The following ATG9B variants were observed in gnomAD, a reference collection of about 807,000 sequenced individuals.
The protein encoded by ATG9B is autophagy related 9B.
ATG9B carries 92 observed loss-of-function variants against 92.9 expected under a neutral mutation model. The ratio of observed to expected loss-of-function variants is 0.99; its 90% confidence interval spans 0.84 to 1.18. ATG9B has a LOEUF of 1.18. ATG9B is among the 50% of genes most tolerant of loss of function. The probability of loss-of-function intolerance (pLI) is 0.00; values close to 1 mark genes in which losing one functional copy is unlikely to be tolerated. For missense variants in ATG9B, 1,344 were observed against 1,235.0 expected, an observed-to-expected ratio of 1.09 and a Z score of -1.32; for synonymous variants, 599 against 551.4, an observed-to-expected ratio of 1.09 and a Z score of -1.21.
At chr7:151,012,995 G>A, downstream of ATG9B, 1 of 546,388 alleles carries the variant, frequency 1.8e-6, no homozygotes, top group South Asian at 2.5e-5. Context: ...GCGCATTCTA[G>A]CGCAGCTCCA....
rs200749378 is a variant in ATG9B, at chr7:151,023,105, G to A, written c.761C>T (p.Pro254Leu). The A allele has an allele frequency of 2.6e-4, 418 of 1,614,016 alleles. 1 individual carries two copies. Among genetic ancestry groups the A allele is most frequent in the Non-Finnish European group, 3.4e-4 (397 of 1,180,024 alleles). Residue 254 changes from proline to leucine, a missense_variant, in exon 4 of 14, where the codon CCG becomes CTG. Physicochemically the swap from Pro to Leu is moderately conservative, Grantham distance 98 (BLOSUM62 -3). Coordinates refer to ENST00000639579, the MANE Select transcript of ATG9B (RefSeq NM_001317056.2). ...TGACAGGGTCACTTTGCTGTGGAACGGCCCAGGTCTGGTATGGTTACTTGG... is the reference window on the plus strand; with the variant it reads ...TGACAGGGTCACTTTGCTGTGGAACAGCCCAGGTCTGGTATGGTTACTTGG... Reference protein sequence around the residue: ...NQPSNHTRPGPFHSKVTLSDA... With the variant: ...NQPSNHTRPGLFHSKVTLSDA...
chr7:151,016,245 AAGG>A lies in ATG9B; in HGVS notation c.2521-13_2521-11del, dbSNP rs767186137. ...GCTGCTGCTGGTGAAGCTGCATGGA[AAGG>A]AGGAGGAATGAGGGCTGCACCCCAA... is the stretch of plus-strand genomic sequence containing the variant. On this transcript the variant is annotated splice_polypyrimidine_tract_variant and intron_variant, in intron 11 of 13. Coordinates refer to ENST00000639579, the MANE Select transcript of ATG9B (RefSeq NM_001317056.2). 3.4e-5 allele frequency: 51 copies of A among 1,487,006 alleles called. No homozygotes were observed. The highest frequency in any genetic ancestry group is 1.8e-5 in the Non-Finnish European group (20 of 1,115,536). 92.1% of individuals were successfully genotyped at this position (1,487,006 alleles called of 1,614,324 possible). A position where few individuals can be genotyped will look rare whatever the true frequency, so the allele number is the denominator to read the frequency against.
Position 151,018,419 on chromosome 7 carries a change from C to T in ATG9B, c.1747G>A (p.Gly583Ser). 6.5e-7 allele frequency: 1 copy of T among 1,541,456 alleles called. No homozygotes were observed. Residue 583 changes from glycine to serine, a missense_variant, in exon 7 of 14, where the codon GGT becomes AGT. By Grantham distance (56) the Gly-to-Ser change is moderately conservative (BLOSUM62 0). Coordinates refer to ENST00000639579, the MANE Select transcript of ATG9B (RefSeq NM_001317056.2). The surrounding 1 kb of genome is among the most constrained non-coding windows in gnomAD (Gnocchi z 4.7). ...TGCAGCAGGAGCTGCGGCGCACGAC[C>T]CTGGCACTGCTCTTCCGGAATGAAA... ...RSFIPEEQCQ[G>S]RAPQLLLQTA...
Position 151,018,988 on chromosome 7 carries a change from G to T in ATG9B, c.1350C>A (p.Ser450Arg). Reference sequence around the variant, plus strand: ...GAACCTGCCAGGCCAGCACCAGCGGGCTCAGCGCCAGGTTCAGGGCGGCCA... The same window carrying T: ...GAACCTGCCAGGCCAGCACCAGCGGTCTCAGCGCCAGGTTCAGGGCGGCCA... ...LLLAALNLAL[S>R]PLVLAWQVLH... is the part of the protein sequence containing the mutation. Residue 450 changes from serine (S) to arginine (R), a missense_variant, in exon 6 of 14, where the codon AGC becomes AGA. Physicochemically the swap from Ser to Arg is moderately radical, Grantham distance 110 (BLOSUM62 -1). Transcript: ENST00000639579. This position sits in a 1 kb window ranked among gnomAD's most constrained non-coding sequence, Gnocchi z 4.7. 6 of 1,576,852 alleles carry T rather than the reference G, an allele frequency of 3.8e-6. No homozygotes were observed. In the East Asian group the frequency reaches 9.4e-5, roughly 25 times the overall value.
chr7:151,016,999 G>A, intron 9 of ATG9B, 37 bp downstream of exon 9: 1 of 1,553,192 alleles, frequency 6.4e-7, no homozygotes, highest in South Asian at 1.2e-5. Context: ...GAGTTGTGGG[G>A]GTGAAGGCAG....
downstream of ATG9B, chr7:151,014,116 G>C (rs541336826): frequency 1.2e-6 from 2 of 1,613,368 alleles, no homozygotes; most frequent in African/African-American, 2.7e-5. Flanking sequence ...TCAGTTGCGG[G>C]GCGCAGTGCC....
chr7:151,015,076 C>G (rs988118903), downstream of ATG9B: 4 of 152,202 alleles, frequency 2.6e-5, no homozygotes, highest in Non-Finnish European at 5.9e-5. Context: ...AGTTCTCAGG[C>G]TCGTGATCGA....
At position 151,019,514 on chromosome 7, in the gene ATG9B, G is replaced by A. The variant is rs960327797; in HGVS notation, c.964-140C>T. 35 of 1,158,442 alleles carry A rather than the reference G, an allele frequency of 3.0e-5. No individual in the cohort carries two copies. In the East Asian group the frequency reaches 8.5e-4, roughly 28 times the overall value. 71.8% of individuals were successfully genotyped at this position (1,158,442 alleles called of 1,614,324 possible). ...AAACTCGCCATGACCAAGCTACATC[G>A]TCCCCCTCTCCCACCTTTCTCTTTC... On this transcript the variant is annotated intron_variant, in intron 5 of 13. Transcript: ENST00000639579.
chr7:151,013,299 G>A, downstream of ATG9B: 1 of 1,614,088 alleles, frequency 6.2e-7, no homozygotes, highest in African/African-American at 1.3e-5. Context: ...TCTCTACCGC[G>A]ACGAGGTGCA....
At position 151,019,128 on chromosome 7, in the gene ATG9B, G is replaced by C. The variant is rs890786980; in HGVS notation, c.1210C>G (p.Leu404Val). The C allele has an allele frequency of 3.3e-6, 5 of 1,535,834 alleles. No individual in the cohort carries two copies. Among genetic ancestry groups the C allele is most frequent in the Non-Finnish European group, 4.4e-6 (5 of 1,146,660 alleles). ...AAGAGCGAGAAGGGACCGCGGAAGA[G>C]CAGCAGGTCGACATTGAGCGCCAGG... ...RGLALNVDLL[L>V]FRGPFSLFRG... Residue 404 changes from leucine to valine, a missense_variant, in exon 6 of 14, where the codon CTC becomes GTC. By Grantham distance (32) the Leu-to-Val change is conservative. Coordinates refer to ENST00000639579, the MANE Select transcript of ATG9B (RefSeq NM_001317056.2).
downstream of ATG9B, chr7:151,014,045 C>G (rs1344110745): frequency 1.2e-6 from 2 of 1,613,494 alleles, no homozygotes; most frequent in African/African-American, 2.7e-5. Context: ...TTCGGGCTCA[C>G]GCTGCGCACC....
intron 8 of ATG9B, 41 bp from the exon 9 acceptor site, chr7:151,017,313 G>C: frequency 6.5e-7 from 1 of 1,528,504 alleles, no homozygotes; most frequent in Non-Finnish European, 8.8e-7. Flanking sequence ...AGAACACTGA[G>C]CCTTATGGGA....
At position 151,015,911 on chromosome 7, in the gene ATG9B, G is replaced by A; in HGVS notation, c.2760C>T (p.Ala920=). 6.4e-7 allele frequency: 1 copy of A among 1,551,686 alleles called. No individual in the cohort carries two copies. The highest frequency in any genetic ancestry group is 8.7e-7 in the Non-Finnish European group (1 of 1,146,984). The change falls in exon 13 of 14, where the codon GCC becomes GCT. Residue 920 remains alanine (A), a synonymous_variant. Coordinates refer to ENST00000639579, the MANE Select transcript of ATG9B (RefSeq NM_001317056.2). ...AGGAGTCGTCTCAGTCAGTGCAAGA[G>A]GCCCGGTCAGGCTCCTTCTGGGTGT... ...TTDTQKEPDR[A]SCTD
chr7:151,014,811 C>T (rs1263636820), downstream of ATG9B: 2 of 152,046 alleles, frequency 1.3e-5, no homozygotes, highest in Non-Finnish European at 2.9e-5. Flanking sequence ...GTTTCACCAT[C>T]TTGGCCAGGC....
Position 151,017,046 on chromosome 7 carries a change from G to T in ATG9B, c.2279C>A (p.Thr760Asn). 3 of 1,592,320 alleles carry T rather than the reference G, an allele frequency of 1.9e-6. No homozygotes were observed. Among genetic ancestry groups the T allele is most frequent in the Non-Finnish European group, 2.6e-6 (3 of 1,169,920 alleles). Reference protein sequence around the residue: ...PSTPGVLSNCTSPLPEAFLAN... With the variant: ...PSTPGVLSNCNSPLPEAFLAN... ...AGGCTTGGGACTCACCAGGGGCGAG[G>T]TGCAGTTGCTGAGCACCCCCGGGGT... Residue 760 changes from threonine to asparagine, a missense_variant, in exon 9 of 14, where the codon ACC becomes AAC. Physicochemically the swap from Thr to Asn is moderately conservative, Grantham distance 65. Coordinates refer to ENST00000639579, the MANE Select transcript of ATG9B (RefSeq NM_001317056.2).
chr7:151,015,904 T>C lies in ATG9B; in HGVS notation c.2767A>G (p.Thr923Ala), dbSNP rs1795459612. 1.3e-6 allele frequency: 2 copies of C among 1,551,504 alleles called. No homozygotes were observed. The highest frequency in any genetic ancestry group is 1.7e-6 in the Non-Finnish European group (2 of 1,146,954). ...GACCCTGAGGAGTCGTCTCAGTCAG[T>C]GCAAGAGGCCCGGTCAGGCTCCTTC... ...TQKEPDRASC[T>A]D The change falls in exon 13 of 14, where the codon ACT (threonine) becomes GCT (alanine). Residue 923 changes from threonine to alanine, a missense_variant. Thr to Ala is a moderately conservative substitution (Grantham distance 58, BLOSUM62 0). Coordinates refer to ENST00000639579, the MANE Select transcript of ATG9B (RefSeq NM_001317056.2).
Position 151,019,064 on chromosome 7 carries a change from C to G in ATG9B, c.1274G>C (p.Ser425Thr). Residue 425 changes from serine (S) to threonine (T), a missense_variant, in exon 6 of 14, where the codon AGC becomes ACC. Ser to Thr is a moderately conservative substitution (Grantham distance 58). Coordinates refer to ENST00000639579, the MANE Select transcript of ATG9B (RefSeq NM_001317056.2). ...CGCTGCTAGGGCGCCCCGCTGGTCG[C>G]TGCGCTTGTAGGCGTGCGGCAGCTC... ...GWELPHAYKRSDQRGALAARW... is the reference protein window; with the variant it reads ...GWELPHAYKRTDQRGALAARW... 1 of 1,536,808 alleles carries G rather than the reference C, an allele frequency of 6.5e-7. No homozygotes were observed. Among genetic ancestry groups the G allele is most frequent in the South Asian group, 1.2e-5 (1 of 84,064 alleles).
chr7:151,020,316 C>A (rs1392473219), intron 5 of ATG9B: 3 of 152,816 alleles, frequency 2.0e-5, no homozygotes, highest in Non-Finnish European at 2.9e-5. Context: ...CTGGCCTCTC[C>A]AGTACATCCC....
Position 151,016,726 on chromosome 7 carries a change from G to C in ATG9B, c.2385C>G (p.Ser795Arg). 2 of 1,610,812 alleles carry C rather than the reference G, an allele frequency of 1.2e-6. No individual in the cohort carries two copies. The highest frequency in any genetic ancestry group is 1.7e-5 in the Admixed American group (1 of 59,754). The change falls in exon 10 of 14, where the codon AGC becomes AGG. Residue 795 changes from serine to arginine, a missense_variant. Physicochemically the swap from Ser to Arg is moderately radical, Grantham distance 110. Coordinates refer to ENST00000639579, the MANE Select transcript of ATG9B (RefSeq NM_001317056.2). ...TAPCPAAATA[S>R]LLASISRIAQ... ...CAATTCGGGAAATGGAGGCAAGGAG[G>C]CTGGCTGTGGCCGCAGCTGGACAGG...
Sources: gnomAD v4.1 joint callset for allele counts on GRCh38, gnomAD v4.1.1 for gene constraint, Gnocchi (gnomAD v3.1) non-coding constraint, MANE v1.5 for transcripts, NCBI Gene and HGNC (gene_info 2026-07-23, HGNC 2026-07-21) for gene names.